Variants in OTOGL observed in about 807,000 individuals in gnomAD.
OTOGL encodes otogelin-like protein.
In OTOGL, 285 loss-of-function variants were observed where a neutral mutation model predicts 318.5. The observed-to-expected ratio is 0.89, with a 90% confidence interval of 0.81 to 0.99. The LOEUF is 0.99. Ranked by LOEUF, OTOGL falls within the 50% of genes least tolerant of loss-of-function variation. The pLI, the probability that OTOGL is intolerant of heterozygous loss-of-function variation, is 0.00. For synonymous variants in OTOGL, 987 were observed against 936.5 expected, an observed-to-expected ratio of 1.05 and a Z score of -0.99; for missense variants, 2,899 against 2,845.6, an observed-to-expected ratio of 1.02 and a Z score of -0.43.
At chr12:80,191,964 A>G (rs902089489) in intron 1 of OTOGL, among the ~76,000 whole-genome samples, 4 of 152,250 alleles carry the variant, frequency 2.6e-5, no homozygotes, top group Non-Finnish European at 4.4e-5. Context: ...CAAGAAATCC[A>G]TATTCACTTA....
chr12:80,370,795 G>C (rs572292099), intron 56 of OTOGL, 106 bp downstream of exon 56: 5 of 799,652 alleles, frequency 6.3e-6, no homozygotes, highest in South Asian at 3.7e-5. Flanking sequence ...ACATAATGGC[G>C]AATGTGTTAT....
At chr12:80,130,434 G>A (rs1308594262) in intron 1 of OTOGL, among the ~76,000 whole-genome samples, 1 of 152,176 alleles carries the variant, frequency 6.6e-6, no homozygotes, top group African/African-American at 2.4e-5. Flanking sequence ...GTTGGAGGTT[G>A]GAATGGAGCC....
chr12:80,237,599 G>A (rs2137426867), intron 9 of OTOGL, among the ~76,000 whole-genome samples: 1 of 152,250 alleles, frequency 6.6e-6, no homozygotes, highest in South Asian at 2.1e-4. Context: ...GACTGGAGTA[G>A]GTTGAGCAAG....
At chr12:80,350,976 C>G (rs1407206458) in intron 44 of OTOGL, among the ~76,000 whole-genome samples, 1 of 152,130 alleles carries the variant, frequency 6.6e-6, no homozygotes, top group Non-Finnish European at 1.5e-5. Context: ...AAAATTACTG[C>G]TCAAACCAGT....
chr12:80,190,478 C>A (rs1213906134), intron 1 of OTOGL, among the ~76,000 whole-genome samples: 2 of 152,140 alleles, frequency 1.3e-5, no homozygotes, highest in African/African-American at 4.8e-5. Flanking sequence ...AAAGTGAACA[C>A]TGACATCTCA....
At chr12:80,195,280 AAAG>A (rs1875978356) in intron 1 of OTOGL, among the ~76,000 whole-genome samples, 1 of 152,196 alleles carries the variant, frequency 6.6e-6, no homozygotes, top group African/African-American at 2.4e-5. Context: ...AAGGCAGGGA[AAAG>A]AATGGTTAAC....
intron 26 of OTOGL, among the ~76,000 whole-genome samples, chr12:80,290,183 AC>A (rs1884944180): frequency 1.3e-5 from 2 of 151,778 alleles, no homozygotes; most frequent in South Asian, 4.2e-4. Context: ...GTGAGGTGAC[AC>A]CCCGCCCTGC....
chr12:80,200,869 G>C (rs2137283782), intron 1 of OTOGL, among the ~76,000 whole-genome samples: 1 of 152,318 alleles, frequency 6.6e-6, no homozygotes, highest in East Asian at 1.9e-4. Flanking sequence ...AATATACTAT[G>C]ATGAGAAAAA....
chr12:80,354,893 A>G (rs1406398212), intron 46 of OTOGL, among the ~76,000 whole-genome samples: 1 of 152,184 alleles, frequency 6.6e-6, no homozygotes, highest in East Asian at 1.9e-4. Flanking sequence ...CTTAAAAGTA[A>G]TAGTCACTAC....
chr12:80,328,605 C>CTTTTTTT, intron 35 of OTOGL, 60 bp from the exon 36 acceptor site: 2 of 1,026,934 alleles, frequency 1.9e-6, no homozygotes, highest in Non-Finnish European at 2.9e-6. Context: ...AAATGTAGTC[C>CTTTTTTT]TTTTTTTTTT....
chr12:80,356,808 A>G lies in OTOGL; in HGVS notation c.5913A>G (p.Glu1971=), dbSNP rs1189563168. The G allele has an allele frequency of 6.3e-7, 1 of 1,588,308 alleles. No homozygotes were observed. Residue 1971 remains glutamate (E), a splice_region_variant and synonymous_variant, in exon 49 of 59, where the codon GAA becomes GAG. Transcript: ENST00000547103. ...PLSCCPQYKC[E]CDPLKCPSIS... ...TCTAATGTAATTTTGTTTCTGCAGA[A>G]TGTGACCCATTGAAATGCCCCAGTA...
intron 1 of OTOGL, among the ~76,000 whole-genome samples, chr12:80,102,166 A>G (rs1408972978): frequency 6.6e-6 from 1 of 152,206 alleles, no homozygotes; most frequent in Non-Finnish European, 1.5e-5. Context: ...TGAGCAACTT[A>G]CTTAACTCCC....
chr12:80,368,402 C>T, intron 55 of OTOGL, 93 bp downstream of exon 55: 1 of 727,866 alleles, frequency 1.4e-6, no homozygotes, highest in Non-Finnish European at 2.3e-6. Flanking sequence ...ACACACACTG[C>T]ACTGCATACA....
At chr12:80,252,298 A>G in intron 13 of OTOGL, 97 bp downstream of exon 13, 7 of 1,258,454 alleles carry the variant, frequency 5.6e-6, no homozygotes, top group Non-Finnish European at 7.2e-6. Context: ...TTCCCAGTAC[A>G]TTGGACCTAT....
At chr12:80,284,500 G>GT (rs1884468580) in intron 26 of OTOGL, among the ~76,000 whole-genome samples, 1 of 152,160 alleles carries the variant, frequency 6.6e-6, no homozygotes, top group South Asian at 2.1e-4. Flanking sequence ...CACCAGCAGT[G>GT]TAAAAGTGTT....
intron 26 of OTOGL, among the ~76,000 whole-genome samples, chr12:80,281,016 G>A (rs1439682629): frequency 6.6e-6 from 1 of 151,658 alleles, no homozygotes; most frequent in African/African-American, 2.4e-5. Flanking sequence ...TTGGTGTATA[G>A]AAATGCTGCT....
intron 11 of OTOGL, among the ~76,000 whole-genome samples, 164 bp downstream of exon 11, chr12:80,239,603 G>A (rs1051747930): frequency 7.9e-5 from 12 of 152,062 alleles, no homozygotes; most frequent in African/African-American, 1.4e-4. Flanking sequence ...AACAGTCACC[G>A]TCTAATTTTT....
intron 26 of OTOGL, among the ~76,000 whole-genome samples, chr12:80,284,486 C>T (rs1249796408): frequency 6.6e-6 from 1 of 152,112 alleles, no homozygotes; most frequent in Non-Finnish European, 1.5e-5. Flanking sequence ...CTAATTTACA[C>T]TCCCACCAGC....
intron 29 of OTOGL, among the ~76,000 whole-genome samples, chr12:80,308,938 G>C (rs1886436936): frequency 6.6e-6 from 1 of 152,018 alleles, no homozygotes; most frequent in South Asian, 2.1e-4. Flanking sequence ...CTTCGGCTCG[G>C]CATCAGAGGG....
Sources: gnomAD v4.1 joint callset for allele counts (sites outside exome capture counted in the v4.1 genomes callset) on GRCh38, gnomAD v4.1.1 for gene constraint, MANE v1.5 for transcripts, NCBI Gene and HGNC (gene_info 2026-07-23, HGNC 2026-07-21) for gene names.